Variants in HOMER2 observed in about 807,000 individuals in gnomAD.
HOMER2 encodes homer scaffold protein 2, also known as homer protein homolog 2.
In HOMER2, 27 loss-of-function variants were observed where a neutral mutation model predicts 47.0. That is an observed-to-expected ratio of 0.57 (90% confidence interval 0.42 to 0.79). The LOEUF (loss-of-function observed/expected upper bound fraction) is 0.79. HOMER2 is among the 30% of genes least tolerant of loss of function. The pLI, the probability that HOMER2 is intolerant of heterozygous loss-of-function variation, is 0.00. For synonymous variants in HOMER2, 161 were observed against 163.8 expected, an observed-to-expected ratio of 0.98 and a Z score of 0.13; for missense variants, 443 against 435.0, an observed-to-expected ratio of 1.02 and a Z score of -0.16.
chr15:82,952,728 C>T (rs945461385), upstream of HOMER2: 14 of 980,646 alleles, frequency 1.4e-5, no homozygotes, highest in Non-Finnish European at 1.7e-5. Context: ...CGCGGGCGGG[C>T]GGGGGCTGGG....
At chr15:82,857,158 G>C (rs990940211) in intron 5 of HOMER2, among the ~76,000 whole-genome samples, 1 of 152,114 alleles carries the variant, frequency 6.6e-6, no homozygotes, top group Non-Finnish European at 1.5e-5. Flanking sequence ...GCGTGAGGAT[G>C]AAATCTTTAT....
intron 1 of HOMER2, among the ~76,000 whole-genome samples, chr15:82,901,329 C>A (rs17360083): frequency 0.37 from 55,864 of 152,034 alleles, 11,205 homozygotes; most frequent in South Asian, 0.46. Flanking sequence ...GGTAAGGCTT[C>A]TCTGAGGACG....
chr15:82,957,304 T>C (rs965329455), upstream of HOMER2, among the ~76,000 whole-genome samples: 1 of 150,332 alleles, frequency 6.7e-6, no homozygotes, highest in African/African-American at 2.4e-5. Flanking sequence ...ACAGAGTGAA[T>C]GAGATCATAT....
chr15:82,892,337 A>G (rs2052737738), intron 2 of HOMER2, among the ~76,000 whole-genome samples: 2 of 152,208 alleles, frequency 1.3e-5, no homozygotes, highest in South Asian at 2.1e-4. Context: ...TTCAAAAGAA[A>G]GCAATGGTAT....
intron 1 of HOMER2, 30 bp from the exon 2 acceptor site, chr15:82,892,871 A>G: frequency 2.0e-6 from 3 of 1,475,026 alleles, no homozygotes; most frequent in Non-Finnish European, 2.7e-6. Context: ...GTGTGAGTTG[A>G]GAGAACATGA....
At chr15:82,961,564 G>C (rs1384159687) in intron 1 of HOMER2, among the ~76,000 whole-genome samples, 1 of 151,936 alleles carries the variant, frequency 6.6e-6, no homozygotes, top group Non-Finnish European at 1.5e-5. Context: ...TTATCACTTT[G>C]TAAAAATGTC....
chr15:82,955,465 G>A (rs150484609), upstream of HOMER2, among the ~76,000 whole-genome samples: 11 of 152,210 alleles, frequency 7.2e-5, no homozygotes, highest in East Asian at 7.7e-4. Flanking sequence ...CACCATGCCC[G>A]GCCTGTATTT....
chr15:82,955,107 T>A (rs2054575404), upstream of HOMER2, among the ~76,000 whole-genome samples: 1 of 151,600 alleles, frequency 6.6e-6, no homozygotes, highest in Non-Finnish European at 1.5e-5. Flanking sequence ...GCAGTACTGC[T>A]CATAACCTAC....
intron 1 of HOMER2, among the ~76,000 whole-genome samples, chr15:82,911,778 T>G (rs1323224348): frequency 2.0e-5 from 3 of 152,132 alleles, no homozygotes; most frequent in African/African-American, 7.2e-5. Context: ...CACCTGTAAT[T>G]CCAGCACTTT....
downstream of HOMER2, chr15:82,845,118 C>G (rs1701170045): frequency 6.6e-6 from 1 of 152,084 alleles, no homozygotes; most frequent in African/African-American, 2.4e-5. Flanking sequence ...CATAGATCAC[C>G]ACCACCAGAA....
chr15:82,955,805 T>G (rs529565503), upstream of HOMER2, among the ~76,000 whole-genome samples: 4 of 152,220 alleles, frequency 2.6e-5, no homozygotes, highest in Non-Finnish European at 5.9e-5. Context: ...CAGACGTCCT[T>G]CTGTCATAGG....
chr15:82,857,701 G>A (rs941406050), intron 5 of HOMER2, among the ~76,000 whole-genome samples: 1 of 152,144 alleles, frequency 6.6e-6, no homozygotes, highest in East Asian at 1.9e-4. Flanking sequence ...AAAGCATTGG[G>A]ATTACAGGCA....
intron 1 of HOMER2, among the ~76,000 whole-genome samples, chr15:82,911,037 T>G (rs188217511): frequency 1.3e-5 from 2 of 152,188 alleles, no homozygotes; most frequent in African/African-American, 4.8e-5. Context: ...ATGTGCAAAG[T>G]GCCTTTTTGC....
intron 1 of HOMER2, among the ~76,000 whole-genome samples, chr15:82,940,482 G>A (rs1039909301): frequency 3.9e-5 from 6 of 152,296 alleles, no homozygotes; most frequent in Middle Eastern, 3.4e-3. Context: ...GGTGGGTCAC[G>A]CCTGTAATCC....
In HOMER2 at chr15:82,929,653, CAAAAAA is replaced by C. The variant is rs373315567; in HGVS notation, c.5+22872_5+22877del. On this transcript the variant is annotated intron_variant, in intron 1 of 8. Coordinates refer to ENST00000450735, the MANE Select transcript of HOMER2 (RefSeq NM_004839.4). ...AGCCTGGGTGACAGAGTGAGACTAT[CAAAAAA>C]AAAAAAAAAAAAAAAATCAAAGGAA... Among the ~76,000 whole-genome samples the C allele has an allele frequency of 1.7e-3, 155 of 90,988 alleles. 2 individuals carry two copies. In the East Asian group the frequency reaches 0.031, roughly 18 times the overall value. 59.7% of individuals were successfully genotyped at this position (90,988 alleles called of 152,430 possible). A position where few individuals can be genotyped will look rare whatever the true frequency, so the allele number is the denominator to read the frequency against.
chr15:82,851,053 A>G (rs1489798182), intron 8 of HOMER2, 98 bp downstream of exon 8: 2 of 817,406 alleles, frequency 2.4e-6, no homozygotes, highest in East Asian at 2.7e-5. Flanking sequence ...CTCCTTCAGC[A>G]TTCTCAGTGT....
rs1458507202 is a variant in HOMER2 at position 82,979,288 on chromosome 15, A to G, written n.82+6499T>C. 2.6e-5 allele frequency among the ~76,000 whole-genome samples: 4 copies of G among 152,334 alleles called. No individual in the cohort carries two copies. In the East Asian group the frequency reaches 7.7e-4, roughly 29 times the overall value. ...AGAGATGAGACTGGACCGATAAGAC[A>G]GAGTTGAATCTCGATCAGCTGCACA... On this transcript the variant is annotated intron_variant and non_coding_transcript_variant, in intron 1 of 1. Transcript: ENST00000500334.
chr15:82,929,698 G>A (rs551173003), intron 1 of HOMER2, among the ~76,000 whole-genome samples: 3 of 148,956 alleles, frequency 2.0e-5, no homozygotes, highest in Non-Finnish European at 4.4e-5. Context: ...TCGGCTACTA[G>A]CCTCCACCCT....
chr15:82,906,093 A>G lies in HOMER2; in HGVS notation c.6-13252T>C, dbSNP rs138539854. Among the ~76,000 whole-genome samples the G allele has an allele frequency of 2.8e-3, 431 of 152,338 alleles. 3 individuals are homozygous for G. Among genetic ancestry groups the G allele is most frequent in the African/African-American group, 9.8e-3 (408 of 41,580 alleles). Reference sequence around the variant, plus strand: ...TTACTTGTACTACACATGAAGCAATATAGTGTTATCTGAAAGTGAGCTTGG... The same window carrying G: ...TTACTTGTACTACACATGAAGCAATGTAGTGTTATCTGAAAGTGAGCTTGG... On this transcript the variant is annotated intron_variant, in intron 1 of 8. Transcript: ENST00000450735.
Sources: gnomAD v4.1 joint callset for allele counts (sites outside exome capture counted in the v4.1 genomes callset) on GRCh38, gnomAD v4.1.1 for gene constraint, MANE v1.5 for transcripts, NCBI Gene and HGNC (gene_info 2026-07-23, HGNC 2026-07-21) for gene names.